The following GRIA2 variants were observed in gnomAD, a reference collection of about 807,000 sequenced individuals.
The protein encoded by GRIA2 is glutamate ionotropic receptor AMPA type subunit 2.
In GRIA2, 14 loss-of-function variants were observed where a neutral mutation model predicts 97.3. The observed-to-expected ratio is 0.14, with a 90% CI of 0.10 to 0.23. GRIA2 has a LOEUF of 0.23. Ranked by LOEUF, GRIA2 falls within the 10% of genes least tolerant of loss-of-function variation. GRIA2 has a pLI of 1.00. For synonymous variants in GRIA2, 412 were observed against 387.8 expected (o/e 1.06, Z -0.73); for missense variants, 558 against 1,069.8 (o/e 0.52, Z 6.67).
At chr4:157,262,307 C>T (rs556145042) in intron 2 of GRIA2, among the ~76,000 whole-genome samples, 1 of 152,150 alleles carries the variant, frequency 6.6e-6, no homozygotes, top group African/African-American at 2.4e-5. Context: ...GGGAGTCAAG[C>T]ATTAGGCTAC....
At chr4:157,313,430 C>G (rs1368935412) in intron 4 of GRIA2, among the ~76,000 whole-genome samples, 1 of 151,972 alleles carries the variant, frequency 6.6e-6, no homozygotes, top group African/African-American at 2.4e-5. Context: ...GCTGTGTTTG[C>G]TATTTGAGAA....
At chr4:157,254,214 A>T (rs1731141121) in intron 2 of GRIA2, among the ~76,000 whole-genome samples, 2 of 152,084 alleles carry the variant, frequency 1.3e-5, no homozygotes, top group East Asian at 3.9e-4. Flanking sequence ...TTAGATAATT[A>T]TCTGGAAAAA....
intron 2 of GRIA2, among the ~76,000 whole-genome samples, chr4:157,258,534 C>G (rs111708747): frequency 6.6e-6 from 1 of 151,960 alleles, no homozygotes; most frequent in Non-Finnish European, 1.5e-5. Flanking sequence ...AATGTATGCC[C>G]GAAACTTCAT....
chr4:157,238,597 C>A (rs186680396), intron 2 of GRIA2, among the ~76,000 whole-genome samples: 4 of 152,094 alleles, frequency 2.6e-5, no homozygotes, highest in Non-Finnish European at 5.9e-5. Flanking sequence ...AATATTCACA[C>A]CAATCATTTC....
chr4:157,336,058 T>C (rs547757793), intron 10 of GRIA2, among the ~76,000 whole-genome samples, 181 bp downstream of exon 10: 1 of 152,148 alleles, frequency 6.6e-6, no homozygotes, highest in East Asian at 1.9e-4. Context: ...AGTAGACATG[T>C]AGATTAACTG....
At chr4:157,332,701 T>C in intron 6 of GRIA2, 118 bp from the exon 7 acceptor site, 3 of 659,734 alleles carry the variant, frequency 4.5e-6, no homozygotes, top group Non-Finnish European at 7.8e-6. Context: ...AAATTGTGTT[T>C]AAATTCTTGG....
intron 2 of GRIA2, among the ~76,000 whole-genome samples, chr4:157,270,837 G>A (rs1444994677): frequency 6.6e-6 from 1 of 151,986 alleles, no homozygotes; most frequent in Non-Finnish European, 1.5e-5. Flanking sequence ...CTGTAGTGTA[G>A]TGAGAAGTTG....
rs748804696 is a variant in GRIA2, at chr4:157,221,740, G to A, written c.162G>A (p.Ser54=). Residue 54 remains serine (S), a synonymous_variant, in exon 2 of 16, where the codon TCG becomes TCA. Coordinates refer to ENST00000264426, the MANE Select transcript of GRIA2 (RefSeq NM_001083619.3). ...FRVGMVQFST[S]EFRLTPHIDN... is the part of the protein sequence containing the mutation. ...TAGGGATGGTTCAGTTTTCCACTTC[G>A]GAGTTCAGACTGACACCCCACATCG... 1 of 1,613,766 alleles carries A rather than the reference G, an allele frequency of 6.2e-7. No individual in the cohort carries two copies. Among genetic ancestry groups the A allele is most frequent in the Admixed American group, 1.7e-5 (1 of 59,994 alleles).
Position 157,275,661 on chromosome 4 carries a change from C to G in GRIA2, c.230-27891C>G, listed in dbSNP as rs565425974. Reference sequence around the variant, plus strand: ...CATTTCTTGTTTTTGTCAGGCTTGTCAAAGATCAGATAGTTGTAGATATGT... The same window carrying G: ...CATTTCTTGTTTTTGTCAGGCTTGTGAAAGATCAGATAGTTGTAGATATGT... On this transcript the variant is annotated intron_variant, in intron 2 of 15. Coordinates refer to ENST00000264426, the MANE Select transcript of GRIA2 (RefSeq NM_001083619.3). 1.9e-3 allele frequency among the ~76,000 whole-genome samples: 293 copies of G among 152,182 alleles called. 1 individual carries two copies. Among genetic ancestry groups the G allele is most frequent in the Middle Eastern group, 3.4e-3 (1 of 294 alleles).
intron 2 of GRIA2, among the ~76,000 whole-genome samples, chr4:157,291,949 A>G (rs1272875270): frequency 1.3e-5 from 2 of 152,014 alleles, no homozygotes; most frequent in South Asian, 2.1e-4. Context: ...ACAGTAATAT[A>G]AGAAAGATAT....
At chr4:157,314,741 C>G (rs933875452) in intron 4 of GRIA2, among the ~76,000 whole-genome samples, 8 of 152,140 alleles carry the variant, frequency 5.3e-5, no homozygotes, top group African/African-American at 1.7e-4. Context: ...ATTACATAAA[C>G]GTCCATATGG....
intron 6 of GRIA2, 158 bp downstream of exon 6, chr4:157,321,757 A>G (rs1014748579): frequency 1.8e-6 from 1 of 549,748 alleles, no homozygotes; most frequent in Non-Finnish European, 3.2e-6. Context: ...TCACATTTTT[A>G]TGGTTTAAGT....
At chr4:157,353,353 AAAAAC>A (rs546180738) in intron 12 of GRIA2, among the ~76,000 whole-genome samples, 8 of 150,074 alleles carry the variant, frequency 5.3e-5, no homozygotes, top group East Asian at 4.0e-4. Context: ...ACTCTGTCTC[AAAAAC>A]AAAACAAAAC....
chr4:157,233,408 T>C (rs1312069496), intron 2 of GRIA2, among the ~76,000 whole-genome samples: 2 of 152,166 alleles, frequency 1.3e-5, no homozygotes, highest in African/African-American at 2.4e-5. Flanking sequence ...TTAATGGAAC[T>C]GAGCACATTA....
chr4:157,245,854 C>A (rs1274908913), intron 2 of GRIA2, among the ~76,000 whole-genome samples: 1 of 152,086 alleles, frequency 6.6e-6, no homozygotes, highest in East Asian at 1.9e-4. Flanking sequence ...GCTTCGTCAG[C>A]ATGGCAGAAC....
At chr4:157,222,500 G>C (rs556060261) in intron 2 of GRIA2, among the ~76,000 whole-genome samples, 3 of 152,158 alleles carry the variant, frequency 2.0e-5, no homozygotes, top group Non-Finnish European at 4.4e-5. Flanking sequence ...CGGTGGAAAG[G>C]GGGAGCGCTG....
At chr4:157,312,640 C>G in intron 3 of GRIA2, 39 bp from the exon 4 acceptor site, 1 of 1,147,784 alleles carries the variant, frequency 8.7e-7, no homozygotes, top group Non-Finnish European at 1.2e-6. Context: ...GAGTTATTCA[C>G]GTATCTTTAT....
intron 4 of GRIA2, among the ~76,000 whole-genome samples, chr4:157,313,389 A>C (rs1734169997): frequency 6.6e-6 from 1 of 152,102 alleles, no homozygotes; most frequent in Admixed American, 6.6e-5. Flanking sequence ...TTGATTTGTG[A>C]AATTAAAATA....
intron 7 of GRIA2, 117 bp from the exon 8 acceptor site, chr4:157,333,132 G>T: frequency 1.1e-6 from 1 of 899,834 alleles, no homozygotes; most frequent in Non-Finnish European, 1.7e-6. Context: ...GTTGAAGAGA[G>T]AAACAAATAT....
Sources: allele counts gnomAD v4.1 joint callset (sites outside exome capture counted in the v4.1 genomes callset), GRCh38; gene constraint gnomAD v4.1.1; transcripts MANE v1.5; gene names NCBI Gene and HGNC (gene_info 2026-07-23, HGNC 2026-07-21).